Variants in TPD52 observed in about 807,000 individuals in gnomAD.
TPD52 encodes tumor protein D52.
In TPD52, 17 loss-of-function variants were observed where a neutral mutation model predicts 31.3. The observed-to-expected ratio is 0.54, with a 90% CI of 0.37 to 0.82. The LOEUF (loss-of-function observed/expected upper bound fraction) is 0.82. Among genes scored for constraint, TPD52 ranks in the 40% least tolerant of loss-of-function variants. TPD52 has a pLI of 0.00. For synonymous variants in TPD52, 83 were observed against 89.6 expected, an observed-to-expected ratio of 0.93 and a Z score of 0.42; for missense variants, 212 against 240.1, an observed-to-expected ratio of 0.88 and a Z score of 0.77.
chr8:80,050,911 T>C (rs946075717), intron 4 of TPD52, among the ~76,000 whole-genome samples: 1 of 151,004 alleles, frequency 6.6e-6, no homozygotes, highest in East Asian at 1.9e-4. Context: ...TTCATCACTA[T>C]CCTAATCCAC....
chr8:80,157,738 T>G (rs1265684286), intron 1 of TPD52, among the ~76,000 whole-genome samples: 1 of 152,208 alleles, frequency 6.6e-6, no homozygotes, highest in Admixed American at 6.5e-5. Flanking sequence ...ACTGCTTCTC[T>G]GGCTATCATA....
At chr8:80,078,738 G>C (rs1382016546) in intron 1 of TPD52, among the ~76,000 whole-genome samples, 1 of 152,116 alleles carries the variant, frequency 6.6e-6, no homozygotes, top group Admixed American at 6.6e-5. Context: ...TTATTCATTT[G>C]CTTTTTAATA....
intron 1 of TPD52, among the ~76,000 whole-genome samples, chr8:80,113,754 T>C (rs1807668915): frequency 6.6e-6 from 1 of 152,150 alleles, no homozygotes; most frequent in African/African-American, 2.4e-5. Context: ...GTAGAAACTA[T>C]AACTTATTCT....
At chr8:80,080,869 A>C (rs2130828476) in intron 1 of TPD52, 1 of 571,920 alleles carries the variant, frequency 1.7e-6, no homozygotes, top group African/African-American at 2.0e-5. Context: ...TATTTAAAAT[A>C]AATAAATAAA....
At chr8:80,042,705 AT>A in intron 6 of TPD52, 37 bp from the exon 7 acceptor site, 1 of 1,569,522 alleles carries the variant, frequency 6.4e-7, no homozygotes, top group Admixed American at 1.8e-5. Flanking sequence ...GTAAATACAA[AT>A]ACTGAAAAAA....
Position 80,064,598 on chromosome 8 carries a change from T to C in TPD52, c.20-5A>G. 6.2e-7 allele frequency: 1 copy of C among 1,612,600 alleles called. No homozygotes were observed. The highest frequency in any genetic ancestry group is 8.5e-7 in the Non-Finnish European group (1 of 1,178,650). ...CTGGGTCTGTTCTCAGCAGACCTGG[T>C]TGGGGATTTAAACCATTTTTTAAAG... On this transcript the variant is annotated splice_region_variant and splice_polypyrimidine_tract_variant and intron_variant, in intron 1 of 7. Coordinates refer to ENST00000518937, the MANE Select transcript of TPD52 (RefSeq NM_001025253.3).
chr8:80,146,698 G>A (rs1389013282), intron 1 of TPD52, among the ~76,000 whole-genome samples: 1 of 152,138 alleles, frequency 6.6e-6, no homozygotes. Flanking sequence ...AAAAATACTG[G>A]AAAGAATCAA....
At chr8:80,053,520 C>A in intron 2 of TPD52, 90 bp from the exon 3 acceptor site, 1 of 1,344,096 alleles carries the variant, frequency 7.4e-7, no homozygotes, top group South Asian at 1.4e-5. Context: ...AAATTCCAGT[C>A]ATTAAACATT....
intron 1 of TPD52, among the ~76,000 whole-genome samples, chr8:80,110,224 T>A (rs561168132): frequency 6.6e-6 from 1 of 152,324 alleles, no homozygotes; most frequent in South Asian, 2.1e-4. Flanking sequence ...ACTAAGAAGC[T>A]AAGTCTCTCA....
intron 1 of TPD52, among the ~76,000 whole-genome samples, chr8:80,159,678 T>C (rs1811219721): frequency 1.3e-5 from 2 of 152,180 alleles, no homozygotes; most frequent in South Asian, 4.1e-4. Flanking sequence ...ATGAAAAGCA[T>C]TTAGACAGAA....
chr8:80,110,083 A>C (rs373971205), intron 1 of TPD52, among the ~76,000 whole-genome samples: 3 of 152,302 alleles, frequency 2.0e-5, no homozygotes, highest in South Asian at 4.1e-4. Flanking sequence ...TTAGAGCTCA[A>C]ATCTAGAAAT....
At chr8:80,169,183 C>T (rs1007624394) in intron 1 of TPD52, among the ~76,000 whole-genome samples, 1 of 152,128 alleles carries the variant, frequency 6.6e-6, no homozygotes, top group African/African-American at 2.4e-5. Context: ...CAGGGTTCCA[C>T]CTTGTTGGAC....
chr8:80,088,201 G>A (rs1815968166), intron 1 of TPD52, among the ~76,000 whole-genome samples: 1 of 152,150 alleles, frequency 6.6e-6, no homozygotes, highest in African/African-American at 2.4e-5. Flanking sequence ...CACATCTAAT[G>A]GCCCTGGGGA....
chr8:80,081,069 T>G (rs1421263425), intron 1 of TPD52, among the ~76,000 whole-genome samples: 1 of 151,534 alleles, frequency 6.6e-6, no homozygotes, highest in Non-Finnish European at 1.5e-5. Context: ...GGTATAAAAA[T>G]AAAGCTGTAT....
intron 1 of TPD52, among the ~76,000 whole-genome samples, chr8:80,082,820 C>T (rs1815432023): frequency 1.3e-5 from 2 of 152,228 alleles, no homozygotes; most frequent in African/African-American, 4.8e-5. Flanking sequence ...ATTAAAAAAG[C>T]AAATGATGGC....
At chr8:80,073,811 A>G (rs1348202372) in intron 1 of TPD52, among the ~76,000 whole-genome samples, 1 of 152,150 alleles carries the variant, frequency 6.6e-6, no homozygotes, top group African/African-American at 2.4e-5. Flanking sequence ...CACTTTCCTA[A>G]AGAAATATGA....
intron 1 of TPD52, among the ~76,000 whole-genome samples, chr8:80,150,788 A>G (rs559273486): frequency 3.3e-4 from 50 of 152,242 alleles, no homozygotes; most frequent in African/African-American, 1.2e-3. Context: ...CTAGGAAGTA[A>G]CTAACTTGCT....
At chr8:80,155,176 G>C (rs539860309) in intron 1 of TPD52, among the ~76,000 whole-genome samples, 1 of 151,858 alleles carries the variant, frequency 6.6e-6, no homozygotes, top group African/African-American at 2.4e-5. Context: ...TGTTACTATT[G>C]TAATTGCTTT....
At chr8:80,116,098 C>A (rs990953967) in intron 1 of TPD52, among the ~76,000 whole-genome samples, 7 of 152,050 alleles carry the variant, frequency 4.6e-5, no homozygotes, top group Non-Finnish European at 1.0e-4. Flanking sequence ...CCTAACAAAT[C>A]AACTGCTAAG....
Sources: allele counts gnomAD v4.1 joint callset (sites outside exome capture counted in the v4.1 genomes callset), GRCh38; gene constraint gnomAD v4.1.1; transcripts MANE v1.5; gene names NCBI Gene and HGNC (gene_info 2026-07-23, HGNC 2026-07-21).